The following ZNF652 variants were observed in gnomAD, a reference collection of about 807,000 sequenced individuals.
The protein encoded by ZNF652 is zinc finger protein 652.
Under a neutral mutation model 45.2 loss-of-function variants are expected in ZNF652, and 16 were observed. That is an observed-to-expected ratio of 0.35 (90% confidence interval 0.24 to 0.54). The LOEUF is 0.54. ZNF652 is among the 20% of genes least tolerant of loss of function. The pLI, the probability that ZNF652 is intolerant of heterozygous loss-of-function variation, is 0.91. For synonymous variants in ZNF652, 250 were observed against 260.6 expected (o/e 0.96, Z 0.39); for missense variants, 614 against 765.6 (o/e 0.80, Z 2.34).
At chr17:49,351,396 C>T (rs1294183289) in intron 1 of ZNF652, among the ~76,000 whole-genome samples, 2 of 151,956 alleles carry the variant, frequency 1.3e-5, no homozygotes, top group African/African-American at 4.8e-5. Context: ...TATACAAGAA[C>T]ATTCATTATA....
intron 3 of ZNF652, 136 bp downstream of exon 3, chr17:49,312,562 G>C: frequency 1.1e-6 from 1 of 892,354 alleles, no homozygotes; most frequent in Non-Finnish European, 1.7e-6. Flanking sequence ...GATACTTACT[G>C]AAGACATAAT....
At chr17:49,321,072 C>T (rs1173249435) in intron 1 of ZNF652, among the ~76,000 whole-genome samples, 1 of 152,044 alleles carries the variant, frequency 6.6e-6, no homozygotes, top group Non-Finnish European at 1.5e-5. Flanking sequence ...TAGATGGGGC[C>T]CTGTGACTAC....
chr17:49,325,227 C>T (rs2069944480), intron 1 of ZNF652, among the ~76,000 whole-genome samples: 1 of 152,118 alleles, frequency 6.6e-6, no homozygotes, highest in African/African-American at 2.4e-5. Context: ...CACTTGACCA[C>T]TGAGAGGCCA....
At chr17:49,338,998 C>G (rs1343642703) in intron 1 of ZNF652, among the ~76,000 whole-genome samples, 1 of 152,092 alleles carries the variant, frequency 6.6e-6, no homozygotes, top group African/African-American at 2.4e-5. Context: ...CAGCCTCCTC[C>G]TCTCTGAAAA....
At chr17:49,339,797 C>T (rs2070125056) in intron 1 of ZNF652, among the ~76,000 whole-genome samples, 1 of 152,340 alleles carries the variant, frequency 6.6e-6, no homozygotes, top group South Asian at 2.1e-4. Flanking sequence ...GTTCCTGCCA[C>T]ACGACCAAAC....
At chr17:49,327,680 G>C (rs1323704633) in intron 1 of ZNF652, among the ~76,000 whole-genome samples, 4 of 144,956 alleles carry the variant, frequency 2.8e-5, no homozygotes, top group Non-Finnish European at 4.5e-5. Flanking sequence ...GGGAGTTCAA[G>C]AGTAACCTGA....
intron 1 of ZNF652, among the ~76,000 whole-genome samples, chr17:49,344,520 T>TA (rs1323544310): frequency 1.5e-4 from 4 of 25,962 alleles, no homozygotes; most frequent in Non-Finnish European, 3.8e-4. Flanking sequence ...AAAGCAAAAT[T>TA]TTTTTTTTTT....
Position 49,296,998 on chromosome 17 carries a change from A to G in ZNF652, c.*1415T>C, listed in dbSNP as rs1160307405. 2 of 152,224 alleles carry G rather than the reference A, an allele frequency of 1.3e-5. No homozygotes were observed. Among genetic ancestry groups the G allele is most frequent in the Non-Finnish European group, 2.9e-5 (2 of 68,046 alleles). 9.4% of individuals were successfully genotyped at this position (152,224 alleles called of 1,614,324 possible). A position where few individuals can be genotyped will look rare whatever the true frequency, so the allele number is the denominator to read the frequency against. On this transcript the variant is annotated 3_prime_UTR_variant, in exon 6 of 6. Transcript: ENST00000430262. ...GAGGTGCTGCTCTCTTTATCGCCTAAGAATGCTGGTATTACATAATTTGCA... is the reference window on the plus strand; with the variant it reads ...GAGGTGCTGCTCTCTTTATCGCCTAGGAATGCTGGTATTACATAATTTGCA...
chr17:49,324,681 C>T (rs557869433), intron 1 of ZNF652, among the ~76,000 whole-genome samples: 2 of 150,916 alleles, frequency 1.3e-5, no homozygotes, highest in Admixed American at 1.3e-4. Context: ...TGAGCCACCA[C>T]ACCCAGCCAG....
chr17:49,334,594 C>T (rs1429032253), intron 1 of ZNF652, among the ~76,000 whole-genome samples: 1 of 152,062 alleles, frequency 6.6e-6, no homozygotes, highest in Non-Finnish European at 1.5e-5. Flanking sequence ...GCGTGGGCAA[C>T]ATGGTGAAAC....
At chr17:49,307,251 G>A (rs1217988435) in intron 5 of ZNF652, among the ~76,000 whole-genome samples, 1 of 151,186 alleles carries the variant, frequency 6.6e-6, no homozygotes, top group Non-Finnish European at 1.5e-5. Context: ...GGCCAACACG[G>A]TGAAACCCCG....
At chr17:49,354,110 C>A (rs1427399164) in intron 1 of ZNF652, among the ~76,000 whole-genome samples, 1 of 152,052 alleles carries the variant, frequency 6.6e-6, no homozygotes, top group Non-Finnish European at 1.5e-5. Context: ...AGAAATCAGC[C>A]ATATGAAATT....
intron 1 of ZNF652, among the ~76,000 whole-genome samples, chr17:49,350,736 A>C (rs2070262122): frequency 6.6e-6 from 1 of 151,230 alleles, no homozygotes; most frequent in Admixed American, 6.6e-5. Flanking sequence ...TTGGGAGGCC[A>C]AGGCAGGCGA....
At chr17:49,335,098 TAA>T (rs573796442) in intron 1 of ZNF652, among the ~76,000 whole-genome samples, 183 of 152,336 alleles carry the variant, frequency 1.2e-3, no homozygotes, top group African/African-American at 4.3e-3. Flanking sequence ...TTGTATGCTT[TAA>T]AATGATAAAT....
At chr17:49,347,069 G>A (rs778001332) in intron 1 of ZNF652, among the ~76,000 whole-genome samples, 21 of 152,198 alleles carry the variant, frequency 1.4e-4, no homozygotes, top group Admixed American at 5.9e-4. Flanking sequence ...TAAGAGTCAT[G>A]GATTGAAACA....
chr17:49,294,268 C>T lies in ZNF652; in HGVS notation c.*4145G>A, dbSNP rs897812069. Among the ~76,000 whole-genome samples, 1 of 152,140 alleles carries T rather than the reference C, an allele frequency of 6.6e-6. No homozygotes were observed. The highest frequency in any genetic ancestry group is 1.5e-5 in the Non-Finnish European group (1 of 68,014). ...CAAATTATAGGGACAGTTCTAACCA[C>T]TAGAAAAGGATACTTCGAACAAATG... On this transcript the variant is annotated 3_prime_UTR_variant, in exon 6 of 6. Coordinates refer to ENST00000430262, the MANE Select transcript of ZNF652 (RefSeq NM_001145365.3).
intron 1 of ZNF652, among the ~76,000 whole-genome samples, chr17:49,326,563 C>G (rs888025060): frequency 6.6e-6 from 1 of 152,028 alleles, no homozygotes. Flanking sequence ...GAAGATGAAC[C>G]TAGGGACCAA....
intron 1 of ZNF652, among the ~76,000 whole-genome samples, chr17:49,321,422 CTTTTTTTTTTTTTTTT>C (rs11350404): frequency 1.4e-5 from 1 of 73,230 alleles, no homozygotes; most frequent in Non-Finnish European, 2.3e-5. Flanking sequence ...CACCACCACG[CTTTTTTTTTTTTTTTT>C]TTTTTTTTTG....
chr17:49,317,546 A>C lies in ZNF652; in HGVS notation c.180T>G (p.Ser60=), dbSNP rs538385065. The C allele has an allele frequency of 1.6e-5, 26 of 1,614,140 alleles. 1 individual carries two copies. In the South Asian group the frequency reaches 2.7e-4, roughly 17 times the overall value. The change falls in exon 2 of 6, where the codon TCT becomes TCG. Residue 60 remains serine (S), a synonymous_variant. Coordinates refer to ENST00000430262, the MANE Select transcript of ZNF652 (RefSeq NM_001145365.3). The part of the protein sequence containing the change: ...VYKRESGSPY[S]VLVDTKMSKP... The stretch of plus-strand genomic sequence containing the variant: ...TGCTCATCTTGGTGTCCACTAACAC[A>C]GAATAAGGACTTCCTGATTCCCTTT...
Sources: gnomAD v4.1 joint callset for allele counts (sites outside exome capture counted in the v4.1 genomes callset) on GRCh38, gnomAD v4.1.1 for gene constraint, MANE v1.5 for transcripts, NCBI Gene and HGNC (gene_info 2026-07-23, HGNC 2026-07-21) for gene names.